Variants in LCOR observed in about 807,000 individuals in gnomAD.
LCOR encodes ligand dependent nuclear receptor corepressor.
Under a neutral mutation model 64.4 loss-of-function variants are expected in LCOR, and 14 were observed. The observed-to-expected ratio is 0.22, with a 90% CI of 0.14 to 0.34. The LOEUF is 0.34. LCOR is among the 10% of genes least tolerant of loss of function. The pLI, the probability that LCOR is intolerant of heterozygous loss-of-function variation, is 1.00. For synonymous variants in LCOR, 643 were observed against 642.5 expected (o/e 1.00, Z -0.01); for missense variants, 1,686 against 1,765.3 (o/e 0.96, Z 0.80).
intron 2 of LCOR, among the ~76,000 whole-genome samples, chr10:96,874,536 CATA>C (rs1846131690): frequency 6.6e-6 from 1 of 152,050 alleles, no homozygotes; most frequent in East Asian, 1.9e-4. Flanking sequence ...ACCGAGCAGT[CATA>C]ATAAACTCCT....
At chr10:96,948,527 AGT>A (rs1337163068) in intron 5 of LCOR, among the ~76,000 whole-genome samples, 1 of 152,258 alleles carries the variant, frequency 6.6e-6, no homozygotes, top group African/African-American at 2.4e-5. Context: ...CTTAAAATTA[AGT>A]ATCTCCTTTT....
chr10:96,955,216 A>C lies in LCOR; in HGVS notation c.332+3020A>C, dbSNP rs115711989. On this transcript the variant is annotated intron_variant, in intron 7 of 7. Transcript: ENST00000421806. ...AGGGAAGCCTCTTGGGCAAAACCAC[A>C]TTACGAGTTCAACCTCAGCCGTATG... The C allele has an allele frequency of 4.0e-4, 640 of 1,614,172 alleles. 4 individuals are homozygous for C. In the African/African-American group the frequency reaches 7.8e-3, roughly 20 times the overall value.
At chr10:96,928,326 T>C (rs1589662071) in intron 4 of LCOR, among the ~76,000 whole-genome samples, 1 of 152,214 alleles carries the variant, frequency 6.6e-6, no homozygotes, top group East Asian at 1.9e-4. Flanking sequence ...ATTTCAACAA[T>C]GTTGACAGCA....
At chr10:96,850,416 A>G (rs1845705290) in intron 2 of LCOR, among the ~76,000 whole-genome samples, 1 of 152,214 alleles carries the variant, frequency 6.6e-6, no homozygotes, top group African/African-American at 2.4e-5. Context: ...TGAACTGAAA[A>G]TTGAAGTGAA....
chr10:96,846,964 A>G (rs1845639857), intron 2 of LCOR, among the ~76,000 whole-genome samples: 1 of 152,328 alleles, frequency 6.6e-6, no homozygotes, highest in Admixed American at 6.5e-5. Flanking sequence ...AAGATAGAAA[A>G]GAGAAATCAG....
In LCOR at chr10:96,920,470, GTA is replaced by G. The variant is rs1459800854; in HGVS notation, c.-184+12731_-184+12732del. Among the ~76,000 whole-genome samples the G allele has an allele frequency of 5.6e-3, 753 of 135,444 alleles. 25 individuals carry two copies. The highest frequency in any genetic ancestry group is 0.02 in the African/African-American group (687 of 34,790). The allele number at this position is 135,444 out of a possible 152,430, so 88.9% of individuals were successfully genotyped here. A position where few individuals can be genotyped will look rare whatever the true frequency, so the allele number is the denominator to read the frequency against. ...TATATATATGTATATTCATATATGT[GTA>G]TATATATGTATATTCATATATATGT... On this transcript the variant is annotated intron_variant, in intron 4 of 7. Coordinates refer to ENST00000421806, the MANE Select transcript of LCOR (RefSeq NM_001346516.2).
At chr10:96,930,840 G>A (rs974633356) in intron 4 of LCOR, among the ~76,000 whole-genome samples, 8 of 152,104 alleles carry the variant, frequency 5.3e-5, no homozygotes, top group Admixed American at 1.3e-4. Flanking sequence ...ATGTGAGAGC[G>A]CAGCAAGAAG....
chr10:96,869,987 G>A (rs1400533993), intron 2 of LCOR, among the ~76,000 whole-genome samples: 7 of 152,098 alleles, frequency 4.6e-5, no homozygotes, highest in Non-Finnish European at 1.0e-4. Context: ...TAAATGATGG[G>A]GCTCATAGGC....
At chr10:96,920,547 CATAT>C (rs555491371) in intron 4 of LCOR, among the ~76,000 whole-genome samples, 3 of 131,064 alleles carry the variant, frequency 2.3e-5, no homozygotes, top group Non-Finnish European at 3.2e-5. Context: ...TATGTATATT[CATAT>C]ATATGTGTAT....
intron 4 of LCOR, among the ~76,000 whole-genome samples, chr10:96,942,553 A>G (rs1847512183): frequency 1.3e-5 from 2 of 152,218 alleles, no homozygotes; most frequent in African/African-American, 4.8e-5. Flanking sequence ...ACTGTGCCTT[A>G]TATAGCAGTG....
At chr10:96,899,563 A>G (rs1846598556) in intron 2 of LCOR, among the ~76,000 whole-genome samples, 1 of 152,106 alleles carries the variant, frequency 6.6e-6, no homozygotes, top group Non-Finnish European at 1.5e-5. Flanking sequence ...TCTGTAACTA[A>G]TTTTAACAAA....
chr10:96,854,669 A>G (rs1474288382), intron 2 of LCOR, among the ~76,000 whole-genome samples: 1 of 152,176 alleles, frequency 6.6e-6, no homozygotes, highest in Admixed American at 6.5e-5. Context: ...TCAAGCACTT[A>G]ATAGGTGCTA....
At chr10:96,900,395 T>C (rs1266000440) in intron 2 of LCOR, among the ~76,000 whole-genome samples, 1 of 151,974 alleles carries the variant, frequency 6.6e-6, no homozygotes, top group Non-Finnish European at 1.5e-5. Flanking sequence ...AATGAATCTC[T>C]TACGAGTTAG....
chr10:96,884,225 C>G (rs1379272217), intron 2 of LCOR, among the ~76,000 whole-genome samples: 1 of 152,170 alleles, frequency 6.6e-6, no homozygotes, highest in Non-Finnish European at 1.5e-5. Context: ...ATCACTCTAA[C>G]AGCTAATGGA....
In LCOR at chr10:96,986,469, C is replaced by T. The variant is rs533079875; in HGVS notation, c.*1335C>T. On this transcript the variant is annotated 3_prime_UTR_variant, in exon 8 of 8. Coordinates refer to ENST00000421806, the MANE Select transcript of LCOR (RefSeq NM_001346516.2). ...ATGTGAATGTACTTGTTGGAGTAGA[C>T]GTTCATTCTGATTGATTAACACCAT... 6.6e-6 allele frequency: 1 copy of T among 152,344 alleles called. No individual in the cohort carries two copies. Among genetic ancestry groups the T allele is most frequent in the African/African-American group, 2.4e-5 (1 of 41,556 alleles). The allele number at this position is 152,344 out of a possible 1,614,324, so 9.4% of individuals were successfully genotyped here.
rs1213545631 is a variant in LCOR at position 96,986,090 on chromosome 10, A to G, written c.*956A>G. The G allele has an allele frequency of 1.2e-5, 2 of 167,018 alleles. No individual in the cohort carries two copies. Among genetic ancestry groups the G allele is most frequent in the African/African-American group, 4.8e-5 (2 of 41,414 alleles). The allele number at this position is 167,018 out of a possible 1,614,324, so 10.3% of individuals were successfully genotyped here. On this transcript the variant is annotated 3_prime_UTR_variant, in exon 8 of 8. Coordinates refer to ENST00000421806, the MANE Select transcript of LCOR (RefSeq NM_001346516.2). Reference sequence around the variant, plus strand: ...CAAAGAAAGCCGAACTATTATTTCCAGTAATAGAAAGGTTTAAGAATATGT... The same window carrying G: ...CAAAGAAAGCCGAACTATTATTTCCGGTAATAGAAAGGTTTAAGAATATGT...
At chr10:96,957,383 G>A (rs768062773) in intron 7 of LCOR, 78 of 984,834 alleles carry the variant, frequency 7.9e-5, no homozygotes, top group Non-Finnish European at 9.0e-5. Context: ...TTATAATAAG[G>A]GAAGTTTATT....
chr10:96,885,484 C>T (rs532411491), intron 2 of LCOR, among the ~76,000 whole-genome samples: 37 of 151,786 alleles, frequency 2.4e-4, no homozygotes, highest in Middle Eastern at 3.4e-3. Flanking sequence ...CAGGCCCTAG[C>T]GACCCTCCTG....
chr10:96,943,056 G>T (rs1847522949), intron 4 of LCOR, among the ~76,000 whole-genome samples: 1 of 152,018 alleles, frequency 6.6e-6, no homozygotes. Context: ...TGATTATAGT[G>T]CAGCATATTG....
Sources: allele counts gnomAD v4.1 joint callset (sites outside exome capture counted in the v4.1 genomes callset), GRCh38; gene constraint gnomAD v4.1.1; transcripts MANE v1.5; gene names NCBI Gene and HGNC (gene_info 2026-07-23, HGNC 2026-07-21).